The following NFATC2 variants were observed in gnomAD, a reference collection of about 807,000 sequenced individuals.
NFATC2 encodes nuclear factor of activated T cells 2.
A neutral mutation model predicts 87.3 loss-of-function variants in NFATC2; 22 were observed. That is an observed-to-expected ratio of 0.25 (90% confidence interval 0.18 to 0.36). NFATC2 has a LOEUF of 0.36. Among genes scored for constraint, NFATC2 ranks in the 10% least tolerant of loss-of-function variants. The pLI is 1.00. For missense variants in NFATC2, 1,149 were observed against 1,259.1 expected (o/e 0.91, Z 1.32); for synonymous variants, 565 against 542.2 (o/e 1.04, Z -0.58).
At chr20:51,479,489 C>T (rs1989040609) in intron 3 of NFATC2, among the ~76,000 whole-genome samples, 5 of 152,170 alleles carry the variant, frequency 3.3e-5, no homozygotes, top group African/African-American at 4.8e-5. Flanking sequence ...CATAGTGTCG[C>T]ACGTCCGTAG....
chr20:51,523,014 C>T lies in NFATC2; in HGVS notation c.1160+67G>A. ...CTTAAACCTGACTCTGAATCCCATG[C>T]TCATAACCAGAAAACCATCTCTTAA... On this transcript the variant is annotated intron_variant, in intron 2 of 10. Transcript: ENST00000371564. The surrounding 1 kb of genome is among the most constrained non-coding windows in gnomAD (Gnocchi z 6.9). 1 of 1,596,304 alleles carries T rather than the reference C, an allele frequency of 6.3e-7. No individual in the cohort carries two copies. Among genetic ancestry groups the T allele is most frequent in the Non-Finnish European group, 8.5e-7 (1 of 1,173,058 alleles).
chr20:51,520,501 T>G (rs997590764), intron 2 of NFATC2, among the ~76,000 whole-genome samples: 3 of 150,688 alleles, frequency 2.0e-5, no homozygotes, highest in African/African-American at 7.3e-5. Context: ...TGCACCTGTC[T>G]CCCCAGTGAC....
chr20:51,475,537 T>G lies in NFATC2; in HGVS notation c.1456A>C (p.Thr486Pro). 6.2e-7 allele frequency: 1 copy of G among 1,614,108 alleles called. No individual in the cohort carries two copies. The highest frequency in any genetic ancestry group is 2.2e-5 in the East Asian group (1 of 44,888). ...VHRITGKTVT[T>P]TSYEKIVGNT... ...CCCACTATCTTCTCATAGCTGGTGG[T>G]GGTGACAGTTTTCCCCGTGATTCGG... is the stretch of plus-strand genomic sequence containing the variant. Residue 486 changes from threonine to proline, a missense_variant, in exon 4 of 11, where the codon ACC (threonine) becomes CCC (proline). Physicochemically the swap from Thr to Pro is conservative, Grantham distance 38. This residue lies in a region of NFATC2 where 581 missense variants were observed against 649.7 expected (regional missense o/e 0.89). Coordinates refer to ENST00000371564, the MANE Select transcript of NFATC2 (RefSeq NM_012340.5).
intron 9 of NFATC2, among the ~76,000 whole-genome samples, chr20:51,406,661 G>C (rs1260348807): frequency 6.6e-6 from 1 of 152,148 alleles, no homozygotes; most frequent in Non-Finnish European, 1.5e-5. Flanking sequence ...CAGCAACCGG[G>C]GTTTCTAGAC....
At chr20:51,535,752 T>C (rs1346766884) in intron 1 of NFATC2, among the ~76,000 whole-genome samples, 3 of 152,334 alleles carry the variant, frequency 2.0e-5, no homozygotes, top group Non-Finnish European at 2.9e-5. Flanking sequence ...GGGTTTTTTT[T>C]CCCCCTCATT....
rs1247551238 is a variant in NFATC2 at position 51,453,926 on chromosome 20, T to A, written c.1849+622A>T. Among the ~76,000 whole-genome samples the A allele has an allele frequency of 4.6e-5, 7 of 152,332 alleles. No homozygotes were observed. In the East Asian group the frequency reaches 1.4e-3, roughly 29 times the overall value. On this transcript the variant is annotated intron_variant, in intron 6 of 10. Transcript: ENST00000371564. ...ATAAACCCTAAATAAACTAAAAAGA[T>A]ATACATATAGATTCATGTACAAGAT...
chr20:51,471,697 G>A (rs974255489), intron 5 of NFATC2, among the ~76,000 whole-genome samples: 1 of 152,206 alleles, frequency 6.6e-6, no homozygotes, highest in Non-Finnish European at 1.5e-5. Context: ...ATGAAGGCTA[G>A]GCTTTCCCAA....
At chr20:51,456,197 ATACATCTATT>A (rs1986524068) in intron 5 of NFATC2, among the ~76,000 whole-genome samples, 1 of 152,170 alleles carries the variant, frequency 6.6e-6, no homozygotes, top group Non-Finnish European at 1.5e-5. Flanking sequence ...TGTATTCTCA[ATACATCTATT>A]TACATCTATG....
chr20:51,475,712 T>A (rs1442407860), intron 3 of NFATC2, 52 bp from the exon 4 acceptor site: 2 of 1,565,464 alleles, frequency 1.3e-6, no homozygotes, highest in African/African-American at 1.4e-5. Context: ...GTGGCTCTAA[T>A]CCAATAAACA....
At chr20:51,433,279 C>T (rs563158585) in intron 8 of NFATC2, among the ~76,000 whole-genome samples, 1 of 152,154 alleles carries the variant, frequency 6.6e-6, no homozygotes, top group Non-Finnish European at 1.5e-5. Context: ...GCACCTGGTA[C>T]TTAATGGGCA....
At chr20:51,467,566 TA>T (rs201622591) in intron 5 of NFATC2, among the ~76,000 whole-genome samples, 9,730 of 149,370 alleles carry the variant, frequency 0.065, 431 homozygotes, top group East Asian at 0.19. Context: ...TCAAAAAAAA[TA>T]AAAAAATAGA....
chr20:51,518,985 C>T (rs185260209), intron 2 of NFATC2, among the ~76,000 whole-genome samples: 2 of 152,132 alleles, frequency 1.3e-5, no homozygotes, highest in African/African-American at 2.4e-5. Context: ...CATTTTGTGG[C>T]GGGGCCAGCT....
chr20:51,491,581 T>A (rs904391168), intron 3 of NFATC2, among the ~76,000 whole-genome samples: 1 of 152,132 alleles, frequency 6.6e-6, no homozygotes, highest in Admixed American at 6.5e-5. Context: ...GGAGGAGAAG[T>A]GCAGCGGCAC....
intron 1 of NFATC2, 100 bp downstream of exon 1, chr20:51,542,270 G>C: frequency 1.4e-6 from 2 of 1,427,454 alleles, no homozygotes; most frequent in Non-Finnish European, 1.9e-6. Flanking sequence ...AGGCCCCTTA[G>C]GAAGGGGGAC....
intron 3 of NFATC2, among the ~76,000 whole-genome samples, chr20:51,504,565 C>T (rs2076145123): frequency 6.6e-6 from 1 of 152,246 alleles, no homozygotes; most frequent in Non-Finnish European, 1.5e-5. Flanking sequence ...CAACCAAACA[C>T]CACCTGTTCC....
intron 10 of NFATC2, among the ~76,000 whole-genome samples, chr20:51,398,075 G>A (rs958048596): frequency 2.0e-5 from 3 of 152,176 alleles, no homozygotes; most frequent in African/African-American, 4.8e-5. Context: ...TCAGTTCCAA[G>A]GGGCTGATTT....
intron 1 of NFATC2, among the ~76,000 whole-genome samples, chr20:51,557,491 C>T (rs2146844939): frequency 6.6e-6 from 1 of 152,294 alleles, no homozygotes; most frequent in Admixed American, 6.5e-5. Context: ...CTGTCACTGT[C>T]ATTGTCATTT....
chr20:51,537,418 T>C (rs2076739206), intron 1 of NFATC2, among the ~76,000 whole-genome samples: 1 of 151,906 alleles, frequency 6.6e-6, no homozygotes, highest in Non-Finnish European at 1.5e-5. Flanking sequence ...GAATAGACTC[T>C]ATAAAACAAC....
chr20:51,475,703 T>C (rs1370184400), intron 3 of NFATC2, 43 bp from the exon 4 acceptor site: 1 of 1,596,584 alleles, frequency 6.3e-7, no homozygotes, highest in Non-Finnish European at 8.6e-7. Context: ...CGGGGTGTGG[T>C]GGCTCTAATC....
Sources: allele counts gnomAD v4.1 joint callset (sites outside exome capture counted in the v4.1 genomes callset), GRCh38; gene constraint gnomAD v4.1.1; regional missense constraint gnomAD v4.1.1; non-coding constraint Gnocchi (gnomAD v3.1); transcripts MANE v1.5; gene names NCBI Gene and HGNC (gene_info 2026-07-23, HGNC 2026-07-21).